BHLHE41: variants seen among roughly 807,000 people sequenced by gnomAD.
BHLHE41 encodes class E basic helix-loop-helix protein 41.
Under a neutral mutation model 24.0 loss-of-function variants are expected in BHLHE41, and 14 were observed. That is an observed-to-expected ratio of 0.58 (90% CI 0.39 to 0.91). The LOEUF is 0.91. Among genes scored for constraint, BHLHE41 ranks in the 40% least tolerant of loss-of-function variants. BHLHE41 has a pLI of 0.00. For synonymous variants in BHLHE41, 394 were observed against 315.5 expected, an observed-to-expected ratio of 1.25 and a Z score of -2.64; for missense variants, 674 against 655.4, an observed-to-expected ratio of 1.03 and a Z score of -0.31.
In BHLHE41 at chr12:26,122,807, C is replaced by A; in HGVS notation, c.708G>T (p.Thr236=). Reference sequence around the variant, plus strand: ...CGCCGCCGTAGCCGCTGTCGGTGTCCGTGTCGTTCTCGGCGGCGAGCTCGG... The same window carrying A: ...CGCCGCCGTAGCCGCTGTCGGTGTCAGTGTCGTTCTCGGCGGCGAGCTCGG... ...PSAELAAEND[T]DTDSGYGGEA... is the part of the protein sequence containing the mutation. Residue 236 remains threonine, a synonymous_variant, in exon 5 of 5, where the codon ACG becomes ACT. Transcript: ENST00000242728. 2 of 1,593,200 alleles carry A rather than the reference C, an allele frequency of 1.3e-6. No individual in the cohort carries two copies. Among genetic ancestry groups the A allele is most frequent in the Non-Finnish European group, 8.5e-7 (1 of 1,174,518 alleles).
In BHLHE41 at chr12:26,122,716, G is replaced by C. The variant is rs779912772; in HGVS notation, c.799C>G (p.Gln267Glu). 1 of 1,590,168 alleles carries C rather than the reference G, an allele frequency of 6.3e-7. No individual in the cohort carries two copies. ...GGCGAGTCCTCCCCGGGAGGCTCCT[G>C]CTTGATGGTGACGCGGCTCGCCCCC... ...GAGASRVTIK[Q>E]EPPGEDSPAP... Residue 267 changes from glutamine to glutamate, a missense_variant, in exon 5 of 5, where the codon CAG (glutamine) becomes GAG (glutamate). Around this residue, in one of 3 missense-constraint regions of BHLHE41, gnomAD observed 602 missense variants for 570.8 expected, o/e 1.05. Coordinates refer to ENST00000242728, the MANE Select transcript of BHLHE41 (RefSeq NM_030762.3).
chr12:26,124,495 G>A, intron 2 of BHLHE41, 24 bp downstream of exon 2: 1 of 1,608,720 alleles, frequency 6.2e-7, no homozygotes, highest in Non-Finnish European at 8.5e-7. Flanking sequence ...CAGGTTATGA[G>A]GAATATCGGG....
At position 26,121,046 on chromosome 12, in the gene BHLHE41, T is replaced by C. The variant is rs74586458; in HGVS notation, c.*1020A>G. 6.6e-6 allele frequency: 1 copy of C among 152,592 alleles called. No homozygotes were observed. Among genetic ancestry groups the C allele is most frequent in the African/African-American group, 2.4e-5 (1 of 41,436 alleles). The allele number at this position is 152,592 out of a possible 1,614,324, so 9.5% of individuals were successfully genotyped here. A position where few individuals can be genotyped will look rare whatever the true frequency, so the allele number is the denominator to read the frequency against. On this transcript the variant is annotated 3_prime_UTR_variant, in exon 5 of 5. Transcript: ENST00000242728. The stretch of plus-strand genomic sequence containing the variant: ...TATAGGATATATCAGTTTGGACTTG[T>C]TTTTTGTTGTTGTTGTTTTTTGTTT...
In BHLHE41 at chr12:26,123,734, C is replaced by T; in HGVS notation, c.242G>A (p.Gly81Glu). ...LPEHLKLTTLGHLEKAVVLEL... is the reference protein window; with the variant it reads ...LPEHLKLTTLEHLEKAVVLEL... Reference sequence around the variant, plus strand: ...CAAGACTACAGCTTTCTCCAGATGTCCCAGAGTCTGCAGTGGTGCAAAAAA... The same window carrying T: ...CAAGACTACAGCTTTCTCCAGATGTTCCAGAGTCTGCAGTGGTGCAAAAAA... The change falls in exon 4 of 5, where the codon GGA becomes GAA. Residue 81 changes from glycine (G) to glutamate (E), a missense_variant. Gly to Glu is a moderately conservative substitution (Grantham distance 98). Coordinates refer to ENST00000242728, the MANE Select transcript of BHLHE41 (RefSeq NM_030762.3). The T allele has an allele frequency of 6.2e-7, 1 of 1,611,898 alleles. No individual in the cohort carries two copies. The highest frequency in any genetic ancestry group is 8.5e-7 in the Non-Finnish European group (1 of 1,177,990).
rs1434744608 is a variant in BHLHE41 at position 26,124,750 on chromosome 12, C to T, written c.30G>A (p.Glu10=). MDEGIPHLQ[E]RQLLEHRDFI... is the part of the protein sequence containing the mutation. ...AATCTCTATGTTCCAGTAACTGTCT[C>T]TCTTGCAAATGAGGAATTCCTTCGT... The change falls in exon 1 of 5, where the codon GAG becomes GAA. Residue 10 remains glutamate (E), a synonymous_variant. Coordinates refer to ENST00000242728, the MANE Select transcript of BHLHE41 (RefSeq NM_030762.3). 1.2e-6 allele frequency: 2 copies of T among 1,614,126 alleles called. No individual in the cohort carries two copies. Among genetic ancestry groups the T allele is most frequent in the African/African-American group, 1.3e-5 (1 of 74,954 alleles).
Position 26,124,908 on chromosome 12 carries a change from G to A in BHLHE41, c.-129C>T, listed in dbSNP as rs532750535. ...GTCTCTCTCTCGCTCTCCCTCTTCAGTGCAGTGTTGAAAGTGTGAAGCAGT... is the reference window on the plus strand; with the variant it reads ...GTCTCTCTCTCGCTCTCCCTCTTCAATGCAGTGTTGAAAGTGTGAAGCAGT... On this transcript the variant is annotated 5_prime_UTR_variant, in exon 1 of 5. Transcript: ENST00000242728. 5.6e-4 allele frequency: 523 copies of A among 938,618 alleles called. No individual in the cohort carries two copies. Among genetic ancestry groups the A allele is most frequent in the Non-Finnish European group, 7.0e-4 (406 of 579,922 alleles). 58.1% of individuals were successfully genotyped at this position (938,618 alleles called of 1,614,324 possible).
intron 1 of BHLHE41, 28 bp downstream of exon 1, chr12:26,124,690 G>A (rs1276459308): frequency 6.2e-7 from 1 of 1,613,826 alleles, no homozygotes; most frequent in Non-Finnish European, 8.5e-7. Context: ...AGCCTAGACA[G>A]ATATTCGCAA....
Position 26,122,451 on chromosome 12 carries a change from G to T in BHLHE41, c.1064C>A (p.Ser355Ter), listed in dbSNP as rs1257684876. The change falls in exon 5 of 5, where the codon TCG (serine) becomes TAG (stop). Residue 355 changes from serine to a stop codon, truncating the protein, a stop_gained. Transcript: ENST00000242728. LOFTEE classifies it high-confidence loss of function. ...APFCLPFCFL[S>*]PSAAAAYVQP... is the part of the protein sequence containing the mutation. ...CACGTAGGCGGCAGCTGCAGAAGGC[G>T]AGAGGAAGCAGAAGGGCAGGCAGAA... 4 of 1,358,420 alleles carry T rather than the reference G, an allele frequency of 2.9e-6. No individual in the cohort carries two copies. The highest frequency in any genetic ancestry group is 3.8e-6 in the Non-Finnish European group (4 of 1,045,602). 84.1% of individuals were successfully genotyped at this position (1,358,420 alleles called of 1,614,324 possible). A position where few individuals can be genotyped will look rare whatever the true frequency, so the allele number is the denominator to read the frequency against.
At position 26,124,911 on chromosome 12, in the gene BHLHE41, C is replaced by G. The variant is rs1944350057; in HGVS notation, c.-132G>C. 1 of 931,512 alleles carries G rather than the reference C, an allele frequency of 1.1e-6. No individual in the cohort carries two copies. The highest frequency in any genetic ancestry group is 1.7e-6 in the Non-Finnish European group (1 of 574,300). The allele number at this position is 931,512 out of a possible 1,614,324, so 57.7% of individuals were successfully genotyped here. A position where few individuals can be genotyped will look rare whatever the true frequency, so the allele number is the denominator to read the frequency against. On this transcript the variant is annotated 5_prime_UTR_variant, in exon 1 of 5. Coordinates refer to ENST00000242728, the MANE Select transcript of BHLHE41 (RefSeq NM_030762.3). ...TCTCTCTCGCTCTCCCTCTTCAGTGCAGTGTTGAAAGTGTGAAGCAGTTGG... is the reference window on the plus strand; with the variant it reads ...TCTCTCTCGCTCTCCCTCTTCAGTGGAGTGTTGAAAGTGTGAAGCAGTTGG...
At chr12:26,124,336 G>A (rs572568172) in intron 2 of BHLHE41, among the ~76,000 whole-genome samples, 157 bp from the exon 3 acceptor site, 12 of 131,234 alleles carry the variant, frequency 9.1e-5, no homozygotes, top group Non-Finnish European at 1.8e-4. Flanking sequence ...GTTCTGCAAT[G>A]CAATTTAAAT....
intron 4 of BHLHE41, 63 bp downstream of exon 4, chr12:26,123,567 C>CA (rs1289818736): frequency 6.9e-6 from 8 of 1,160,896 alleles, no homozygotes; most frequent in Non-Finnish European, 1.0e-5. Flanking sequence ...GGAGTCCTGA[C>CA]ACTGCTCCCC....
In BHLHE41 at chr12:26,122,469, A is replaced by G; in HGVS notation, c.1046T>C (p.Leu349Pro). The change falls in exon 5 of 5, where the codon CTG becomes CCG. Residue 349 changes from leucine to proline, a missense_variant. This residue lies in a region of BHLHE41 where 602 missense variants were observed against 570.8 expected (regional missense o/e 1.05). Coordinates refer to ENST00000242728, the MANE Select transcript of BHLHE41 (RefSeq NM_030762.3). ...AGAAGGCGAGAGGAAGCAGAAGGGC[A>G]GGCAGAAGGGGGCCGCGGCGGCCGC... ...QPAAAAAPFC[L>P]PFCFLSPSAA... 2 of 1,347,686 alleles carry G rather than the reference A, an allele frequency of 1.5e-6. No homozygotes were observed. The highest frequency in any genetic ancestry group is 2.8e-5 in the Admixed American group (1 of 35,538). 83.5% of individuals were successfully genotyped at this position (1,347,686 alleles called of 1,614,324 possible).
At chr12:26,124,242 T>C in intron 2 of BHLHE41, 63 bp from the exon 3 acceptor site, 2 of 1,017,436 alleles carry the variant, frequency 2.0e-6, no homozygotes, top group Non-Finnish European at 3.0e-6. Context: ...TATTGGATAT[T>C]ACCCTCGTCT....
At position 26,122,291 on chromosome 12, in the gene BHLHE41, G is replaced by GGCA; in HGVS notation, c.1223_1224insTGC (p.Ala411dup). ...AGGACAGGCAGGGGAACGCGGCGGC[G>GGCA]GCGGCGGCAGCGGCGGCGGCGGCTG... On this transcript the variant is annotated inframe_insertion, in exon 5 of 5. Transcript: ENST00000242728. 8.4e-7 allele frequency: 1 copy of GGCA among 1,194,592 alleles called. No individual in the cohort carries two copies. The highest frequency in any genetic ancestry group is 1.6e-5 in the African/African-American group (1 of 62,300). The allele number at this position is 1,194,592 out of a possible 1,614,324, so 74.0% of individuals were successfully genotyped here.
Position 26,122,650 on chromosome 12 carries a change from TGCCGCCGCC to T in BHLHE41, c.856_864del (p.Gly286_Gly288del), listed in dbSNP as rs772978905. 4 of 1,346,580 alleles carry T rather than the reference TGCCGCCGCC, an allele frequency of 3.0e-6. No homozygotes were observed. Among genetic ancestry groups the T allele is most frequent in the East Asian group, 2.9e-5 (1 of 34,422 alleles). The allele number at this position is 1,346,580 out of a possible 1,614,324, so 83.4% of individuals were successfully genotyped here. A position where few individuals can be genotyped will look rare whatever the true frequency, so the allele number is the denominator to read the frequency against. On this transcript the variant is annotated inframe_deletion, in exon 5 of 5. Transcript: ENST00000242728. ...GCGCCGCCCCCCGGGCCGCCGCCGC[TGCCGCCGCC>T]GCGGGAATCCAGCTTCATCCTCTTG... is the stretch of plus-strand genomic sequence containing the variant.
At chr12:26,123,887 G>A in intron 3 of BHLHE41, 146 bp from the exon 4 acceptor site, 1 of 760,260 alleles carries the variant, frequency 1.3e-6, no homozygotes, top group Non-Finnish European at 2.3e-6. Context: ...CACAAGACAG[G>A]TTATAAATGA....
Position 26,122,141 on chromosome 12 carries a change from G to T in BHLHE41, c.1374C>A (p.Ala458=). Residue 458 remains alanine (A), a synonymous_variant, in exon 5 of 5, where the codon GCC becomes GCA. Coordinates refer to ENST00000242728, the MANE Select transcript of BHLHE41 (RefSeq NM_030762.3). ...HPHGRTHLPF[A]GPREPGNPES... The stretch of plus-strand genomic sequence containing the variant: ...CCGGGTTCCCCGGCTCGCGGGGCCC[G>T]GCGAAGGGCAGGTGGGTGCGGCCGT... The T allele has an allele frequency of 6.5e-7, 1 of 1,548,680 alleles. No homozygotes were observed. Among genetic ancestry groups the T allele is most frequent in the Non-Finnish European group, 8.7e-7 (1 of 1,146,244 alleles).
In BHLHE41 at chr12:26,122,061, A is replaced by T; in HGVS notation, c.*5T>A. 1.3e-6 allele frequency: 2 copies of T among 1,549,248 alleles called. No homozygotes were observed. Among genetic ancestry groups the T allele is most frequent in the Non-Finnish European group, 1.7e-6 (2 of 1,146,350 alleles). ...TTGAACCTCCGTCCTTCGGGACGCA[A>T]GGATTCAGGGAGCTTCCTTTCCTGG... On this transcript the variant is annotated 3_prime_UTR_variant, in exon 5 of 5. Transcript: ENST00000242728.
Position 26,122,760 on chromosome 12 carries a change from C to A in BHLHE41, c.755G>T (p.Arg252Leu), listed in dbSNP as rs747145811. The change falls in exon 5 of 5, where the codon CGC (arginine) becomes CTC (leucine). Residue 252 changes from arginine (R) to leucine (L), a missense_variant. By Grantham distance (102) the Arg-to-Leu change is moderately radical. Around this residue, in one of 3 missense-constraint regions of BHLHE41, gnomAD observed 602 missense variants for 570.8 expected, o/e 1.05. Transcript: ENST00000242728. Reference protein sequence around the residue: ...YGGEAEARPDREKGKGAGASR... With the variant: ...YGGEAEARPDLEKGKGAGASR... Reference sequence around the variant, plus strand: ...CGCCCCCGCGCCTTTGCCTTTCTCGCGGTCCGGCCGGGCCTCGGCTTCGCC... The same window carrying A: ...CGCCCCCGCGCCTTTGCCTTTCTCGAGGTCCGGCCGGGCCTCGGCTTCGCC... 1.9e-5 allele frequency: 30 copies of A among 1,593,666 alleles called. No individual in the cohort carries two copies. In the African/African-American group the frequency reaches 3.1e-4, roughly 17 times the overall value.
Sources: gnomAD v4.1 joint callset for allele counts (sites outside exome capture counted in the v4.1 genomes callset) on GRCh38, gnomAD v4.1.1 for gene constraint, gnomAD v4.1.1 regional missense constraint, MANE v1.5 for transcripts, NCBI Gene and HGNC (gene_info 2026-07-23, HGNC 2026-07-21) for gene names.